UMODL1: variants seen among roughly 807,000 people sequenced by gnomAD.
The protein encoded by UMODL1 is uromodulin-like 1.
A neutral mutation model predicts 136.3 loss-of-function variants in UMODL1; 128 were observed. The ratio of observed to expected loss-of-function variants is 0.94; its 90% CI spans 0.81 to 1.09. UMODL1 has a LOEUF of 1.09. UMODL1 is among the 50% of genes least tolerant of loss of function. The pLI is 0.00. For synonymous variants in UMODL1, 721 were observed against 720.0 expected, an observed-to-expected ratio of 1.00 and a Z score of -0.02; for missense variants, 1,766 against 1,725.6, an observed-to-expected ratio of 1.02 and a Z score of -0.41.
intron 19 of UMODL1, 38 bp from the exon 20 acceptor site, chr21:42,127,634 C>T (rs368579703): frequency 2.2e-4 from 352 of 1,591,868 alleles, no homozygotes; most frequent in Middle Eastern, 3.3e-4. Flanking sequence ...CAGCGGGGCT[C>T]GCTGACAAGC....
At chr21:42,070,314 G>A (rs1391507642), upstream of UMODL1, among the ~76,000 whole-genome samples, 1 of 152,174 alleles carries the variant, frequency 6.6e-6, no homozygotes, top group Non-Finnish European at 1.5e-5. Context: ...TTGGGCTTCA[G>A]CAGTCAACAC....
Position 42,085,478 on chromosome 21 carries a change from TG to T in UMODL1, c.603+70del. ...GCAGCTGCTCAGGCAGACCCAGGTA[TG>T]GGGCCGTGGAAGGGACCTGGGGGTT... On this transcript the variant is annotated intron_variant, in intron 4 of 22. Coordinates refer to ENST00000408910, the MANE Select transcript of UMODL1 (RefSeq NM_001004416.3). The surrounding 1 kb of genome is among the most constrained non-coding windows in gnomAD (Gnocchi z 4.5). 6.2e-7 allele frequency: 1 copy of T among 1,609,904 alleles called. No homozygotes were observed.
chr21:42,081,567 G>A (rs2066362500), intron 2 of UMODL1, among the ~76,000 whole-genome samples: 1 of 152,176 alleles, frequency 6.6e-6, no homozygotes, highest in African/African-American at 2.4e-5. Context: ...TTAAAAACAC[G>A]CCTCTGGTGA....
In UMODL1 at chr21:42,075,989, G is replaced by C; in HGVS notation, c.77-16G>C. ...TCCTGGTGTTCTCAGTCGCCTTCTT[G>C]CTTGGCCTCTTTCAGAAAAAGGCCT... On this transcript the variant is annotated splice_polypyrimidine_tract_variant and intron_variant, in intron 1 of 22. Transcript: ENST00000408910. 2 of 1,611,958 alleles carry C rather than the reference G, an allele frequency of 1.2e-6. No homozygotes were observed. The highest frequency in any genetic ancestry group is 1.1e-5 in the South Asian group (1 of 91,070).
chr21:42,087,091 G>C (rs2066434724), intron 4 of UMODL1, among the ~76,000 whole-genome samples: 1 of 152,228 alleles, frequency 6.6e-6, no homozygotes, highest in Admixed American at 6.5e-5. Flanking sequence ...TGTGGGGCCT[G>C]AGATGTTGTG....
intron 10 of UMODL1, among the ~76,000 whole-genome samples, chr21:42,110,043 A>G (rs1042865200): frequency 2.0e-5 from 3 of 152,058 alleles, no homozygotes; most frequent in East Asian, 1.9e-4. Flanking sequence ...CCCGGGGTCG[A>G]GGGATTCCTT....
chr21:42,067,647 T>A (rs549944554), upstream of UMODL1, among the ~76,000 whole-genome samples: 3 of 152,332 alleles, frequency 2.0e-5, 1 homozygote, highest in South Asian at 6.2e-4. Context: ...ACTGCCCCCC[T>A]GGCCTTAGCT....
intron 2 of UMODL1, among the ~76,000 whole-genome samples, chr21:42,080,745 C>T (rs544297985): frequency 1.3e-5 from 2 of 152,314 alleles, no homozygotes; most frequent in African/African-American, 4.8e-5. Flanking sequence ...GTTCTTTATC[C>T]AGGGCAGACA....
chr21:42,064,778 A>T (rs1306243652), intron 1 of UMODL1, among the ~76,000 whole-genome samples: 2 of 151,214 alleles, frequency 1.3e-5, no homozygotes, highest in East Asian at 3.9e-4. Flanking sequence ...CTGGTCTCTA[A>T]CTCCTGACCT....
intron 17 of UMODL1, among the ~76,000 whole-genome samples, chr21:42,125,739 A>G (rs57956723): frequency 0.27 from 41,409 of 152,010 alleles, 5,675 homozygotes; most frequent in South Asian, 0.36. Flanking sequence ...GCCGGGCCAC[A>G]GCGGCATCCT....
In UMODL1 at chr21:42,121,153, G is replaced by A; in HGVS notation, c.2756G>A (p.Gly919Glu). The A allele has an allele frequency of 6.2e-7, 1 of 1,614,096 alleles. No individual in the cohort carries two copies. The highest frequency in any genetic ancestry group is 8.5e-7 in the Non-Finnish European group (1 of 1,180,006). ...GGGACATCCTGTCGAAACACCCTCG[G>A]GTCTTTCACTTGTAGCTGCGAGGGA... Reference protein sequence around the residue: ...VPGTSCRNTLGSFTCSCEGGA... With the variant: ...VPGTSCRNTLESFTCSCEGGA... Residue 919 changes from glycine to glutamate, a missense_variant, in exon 16 of 23, where the codon GGG becomes GAG. Gly to Glu is a moderately conservative substitution (Grantham distance 98). Transcript: ENST00000408910.
rs571805423 is a variant in UMODL1 at position 42,073,226 on chromosome 21, AGGAAG to A, written c.76+1835_76+1839del. The stretch of plus-strand genomic sequence containing the variant: ...ATCCACTCTGCTAAGTTCTTGGTGC[AGGAAG>A]TCCTCGGCCTTTGCCTAGCTCGGCG... On this transcript the variant is annotated intron_variant, in intron 1 of 22. Coordinates refer to ENST00000408910, the MANE Select transcript of UMODL1 (RefSeq NM_001004416.3). Among the ~76,000 whole-genome samples the A allele has an allele frequency of 1.0e-3, 157 of 152,344 alleles. 1 individual carries two copies. Among genetic ancestry groups the A allele is most frequent in the African/African-American group, 3.5e-3 (145 of 41,582 alleles).
intron 17 of UMODL1, 117 bp from the exon 18 acceptor site, chr21:42,126,227 TG>T: frequency 6.9e-7 from 1 of 1,447,532 alleles, no homozygotes; most frequent in Non-Finnish European, 9.3e-7. Context: ...TCGATGCTGC[TG>T]GGGAGAGGCT....
chr21:42,127,347 G>T, intron 19 of UMODL1, 105 bp downstream of exon 19: 1 of 1,109,200 alleles, frequency 9.0e-7, no homozygotes, highest in South Asian at 1.4e-5. Flanking sequence ...AATGCCCAGG[G>T]CTTCATTAAC....
intron 13 of UMODL1, among the ~76,000 whole-genome samples, chr21:42,114,851 G>A (rs918208758): frequency 3.9e-5 from 6 of 152,194 alleles, no homozygotes; most frequent in Admixed American, 1.3e-4. Context: ...TGCTCTGGAC[G>A]GGACAGGCTG....
At chr21:42,073,932 T>C (rs2066259245) in intron 1 of UMODL1, among the ~76,000 whole-genome samples, 1 of 152,176 alleles carries the variant, frequency 6.6e-6, no homozygotes, top group Non-Finnish European at 1.5e-5. Flanking sequence ...ATGCAAGCAC[T>C]GTATGTCAAA....
intron 20 of UMODL1, chr21:42,128,238 G>T: frequency 3.4e-6 from 1 of 297,518 alleles, no homozygotes; most frequent in Non-Finnish European, 6.6e-6. Flanking sequence ...ATTTAATAAA[G>T]TTTTTTCCCC....
chr21:42,089,190 T>A (rs545317631), intron 5 of UMODL1, among the ~76,000 whole-genome samples: 1 of 152,190 alleles, frequency 6.6e-6, no homozygotes, highest in South Asian at 2.1e-4. Context: ...TACGGCTTCC[T>A]GTACCCAAGC....
chr21:42,127,650 G>A (rs763398312), intron 19 of UMODL1, 22 bp from the exon 20 acceptor site: 3 of 1,606,212 alleles, frequency 1.9e-6, no homozygotes, highest in Admixed American at 3.4e-5. Context: ...CAAGCAAGGA[G>A]TCCCATTTCC....
Sources: allele counts gnomAD v4.1 joint callset (sites outside exome capture counted in the v4.1 genomes callset), GRCh38; gene constraint gnomAD v4.1.1; non-coding constraint Gnocchi (gnomAD v3.1); transcripts MANE v1.5; gene names NCBI Gene and HGNC (gene_info 2026-07-23, HGNC 2026-07-21).